METTL15: variants seen among roughly 807,000 people sequenced by gnomAD.
The protein encoded by METTL15 is methyltransferase 15, mitochondrial 12S rRNA N4-cytidine.
A neutral mutation model predicts 38.3 loss-of-function variants in METTL15; 34 were observed. The observed-to-expected ratio is 0.89, with a 90% CI of 0.68 to 1.18. The LOEUF (loss-of-function observed/expected upper bound fraction) is 1.18. Ranked by LOEUF, METTL15 falls within the 50% of genes most tolerant of loss-of-function variation. The pLI, the probability that METTL15 is intolerant of heterozygous loss-of-function variation, is 0.00. For missense variants in METTL15, 438 were observed against 498.4 expected, an observed-to-expected ratio of 0.88 and a Z score of 1.15; for synonymous variants, 162 against 170.9, an observed-to-expected ratio of 0.95 and a Z score of 0.41.
chr11:28,163,240 GT>G (rs1374757114), intron 3 of METTL15: 3 of 395,402 alleles, frequency 7.6e-6, no homozygotes, highest in Non-Finnish European at 1.3e-5. Flanking sequence ...TCATGTGGGT[GT>G]TTTGATGATT....
chr11:28,367,761 G>A (rs1850200886), intron 5 of METTL15, among the ~76,000 whole-genome samples: 1 of 151,830 alleles, frequency 6.6e-6, no homozygotes, highest in Non-Finnish European at 1.5e-5. Context: ...ATATAGAATA[G>A]AACAGAACAG....
chr11:28,289,152 C>T (rs1477544047), intron 4 of METTL15, among the ~76,000 whole-genome samples: 3 of 152,024 alleles, frequency 2.0e-5, no homozygotes, highest in African/African-American at 7.2e-5. Context: ...GTTGATTATT[C>T]TGTTAGTGGC....
At chr11:28,126,488 T>A (rs1590765172) in intron 3 of METTL15, among the ~76,000 whole-genome samples, 1 of 152,102 alleles carries the variant, frequency 6.6e-6, no homozygotes, top group Non-Finnish European at 1.5e-5. Context: ...CCCATAAATA[T>A]TTGTTGAAAT....
chr11:28,190,225 G>A lies in METTL15; in HGVS notation c.271-20837G>A, dbSNP rs749249816. Reference sequence around the variant, plus strand: ...TATAACCTAGAGAGGGGAAATGTATGGTGTCTTTTTGCATTTAGAATATAG... The same window carrying A: ...TATAACCTAGAGAGGGGAAATGTATAGTGTCTTTTTGCATTTAGAATATAG... On this transcript the variant is annotated intron_variant, in intron 3 of 6. Transcript: ENST00000407364. 2.6e-5 allele frequency among the ~76,000 whole-genome samples: 4 copies of A among 151,036 alleles called. No homozygotes were observed. In the South Asian group the frequency reaches 6.2e-4, roughly 24 times the overall value.
At chr11:28,198,908 G>A (rs924181995) in intron 3 of METTL15, among the ~76,000 whole-genome samples, 3 of 151,822 alleles carry the variant, frequency 2.0e-5, no homozygotes, top group Non-Finnish European at 4.4e-5. Context: ...GAGTGATTCA[G>A]CACACAATGG....
chr11:28,521,480 G>T (rs1343469322), intron 6 of METTL15, among the ~76,000 whole-genome samples: 1 of 152,174 alleles, frequency 6.6e-6, no homozygotes, highest in Admixed American at 6.5e-5. Flanking sequence ...CAGACTGTTG[G>T]CTTTATCTTG....
chr11:28,523,917 G>A (rs1241148875), intron 6 of METTL15, among the ~76,000 whole-genome samples: 1 of 152,186 alleles, frequency 6.6e-6, no homozygotes, highest in Non-Finnish European at 1.5e-5. Context: ...CGTGACTAAG[G>A]TGGGGTGGTG....
intron 4 of METTL15, among the ~76,000 whole-genome samples, chr11:28,230,428 T>A (rs74677189): frequency 0.03 from 4,513 of 152,036 alleles, 89 homozygotes; most frequent in Non-Finnish European, 0.045. Context: ...CTTGAGATAA[T>A]CCATTTTTAT....
At chr11:28,222,081 G>C (rs899958151) in intron 4 of METTL15, among the ~76,000 whole-genome samples, 4 of 152,200 alleles carry the variant, frequency 2.6e-5, no homozygotes, top group Non-Finnish European at 4.4e-5. Flanking sequence ...CTTCCAAGCT[G>C]TCAGACAGGG....
At chr11:28,494,816 G>C (rs1228673954) in intron 6 of METTL15, among the ~76,000 whole-genome samples, 1 of 152,170 alleles carries the variant, frequency 6.6e-6, no homozygotes, top group Non-Finnish European at 1.5e-5. Context: ...TTCACCTTCA[G>C]TGATTGTGAG....
chr11:28,353,915 G>C lies in METTL15; in HGVS notation c.*258+1757G>C, dbSNP rs865961112. Reference sequence around the variant, plus strand: ...AGTCCGCAGTCCGGCCTGGGCGACAGAGCGAGACTCCGTCTCAAAAAAAAA... The same window carrying C: ...AGTCCGCAGTCCGGCCTGGGCGACACAGCGAGACTCCGTCTCAAAAAAAAA... On this transcript the variant is annotated intron_variant and NMD_transcript_variant, in intron 4 of 7. Coordinates refer to the METTL15 transcript ENST00000532947. Among the ~76,000 whole-genome samples the C allele has an allele frequency of 3.5e-4, 48 of 136,720 alleles. No homozygotes were observed. The Middle Eastern group carries it at 0.013, about 37-fold the overall frequency. 89.7% of individuals were successfully genotyped at this position (136,720 alleles called of 152,430 possible). A position where few individuals can be genotyped will look rare whatever the true frequency, so the allele number is the denominator to read the frequency against.
chr11:28,265,344 T>C (rs1855370540), intron 4 of METTL15, among the ~76,000 whole-genome samples: 1 of 151,772 alleles, frequency 6.6e-6, no homozygotes, highest in South Asian at 2.1e-4. Context: ...TGATGAAGGC[T>C]ATGCCTTGCT....
At chr11:28,313,348 T>A (rs1458274136) in intron 6 of METTL15, among the ~76,000 whole-genome samples, 1 of 151,794 alleles carries the variant, frequency 6.6e-6, no homozygotes, top group Non-Finnish European at 1.5e-5. Flanking sequence ...GCAAAAATAA[T>A]TAAAACTCAT....
chr11:28,162,066 C>G (rs2133744342), intron 3 of METTL15, among the ~76,000 whole-genome samples: 1 of 152,226 alleles, frequency 6.6e-6, no homozygotes, highest in Middle Eastern at 3.4e-3. Flanking sequence ...ATATTTCTCT[C>G]AAATCCTCTG....
At chr11:28,462,519 CAG>C (rs1851225054) in intron 6 of METTL15, among the ~76,000 whole-genome samples, 1 of 134,812 alleles carries the variant, frequency 7.4e-6, no homozygotes. Flanking sequence ...CACACACACA[CAG>C]AATTTATTGT....
At chr11:28,358,417 C>G (rs953789275) in intron 4 of METTL15, among the ~76,000 whole-genome samples, 1 of 152,156 alleles carries the variant, frequency 6.6e-6, no homozygotes, top group African/African-American at 2.4e-5. Flanking sequence ...ACCAAATACA[C>G]CACGTTTGTA....
chr11:28,326,627 A>T (rs1252503535), intron 6 of METTL15, among the ~76,000 whole-genome samples: 1 of 151,986 alleles, frequency 6.6e-6, no homozygotes, highest in African/African-American at 2.4e-5. Flanking sequence ...CCCAGGCTGG[A>T]GTGCAGTGGT....
intron 4 of METTL15, among the ~76,000 whole-genome samples, chr11:28,223,653 A>C (rs1853346197): frequency 6.6e-6 from 1 of 152,158 alleles, no homozygotes; most frequent in Non-Finnish European, 1.5e-5. Flanking sequence ...ACTCTGTCAA[A>C]ACTAAGTCAG....
At chr11:28,392,930 A>T (rs1309031279) in intron 5 of METTL15, among the ~76,000 whole-genome samples, 1 of 152,118 alleles carries the variant, frequency 6.6e-6, no homozygotes, top group Non-Finnish European at 1.5e-5. Context: ...CATTAGGGTG[A>T]TACAAATCAA....
Sources: gnomAD v4.1 joint callset for allele counts (sites outside exome capture counted in the v4.1 genomes callset) on GRCh38, gnomAD v4.1.1 for gene constraint, MANE v1.5 for transcripts, NCBI Gene and HGNC (gene_info 2026-07-23, HGNC 2026-07-21) for gene names.